The following PLEKHG5 variants were observed in gnomAD, a reference collection of about 807,000 sequenced individuals.
The protein encoded by PLEKHG5 is pleckstrin homology and RhoGEF domain containing G5, also known as pleckstrin homology domain-containing family G member 5.
Under a neutral mutation model 103.8 loss-of-function variants are expected in PLEKHG5, and 52 were observed. The observed-to-expected ratio is 0.50, with a 90% CI of 0.40 to 0.63. The LOEUF (loss-of-function observed/expected upper bound fraction) is 0.63, where lower values mean the gene tolerates loss of function less well. PLEKHG5 is among the 30% of genes least tolerant of loss of function. PLEKHG5 has a pLI of 0.00. For missense variants in PLEKHG5, 1,205 were observed against 1,347.6 expected (o/e 0.89, Z 1.66); for synonymous variants, 592 against 575.5 (o/e 1.03, Z -0.41).
chr1:6,478,881 T>C (rs536747206), intron 1 of PLEKHG5, among the ~76,000 whole-genome samples: 4 of 152,316 alleles, frequency 2.6e-5, no homozygotes, highest in African/African-American at 9.6e-5. Context: ...TGGTCTCAGG[T>C]GATCCGCCTG....
chr1:6,471,140 C>T (rs1374272811), intron 12 of PLEKHG5, 40 bp from the exon 13 acceptor site: 2 of 1,502,972 alleles, frequency 1.3e-6, no homozygotes, highest in Non-Finnish European at 1.8e-6. Context: ...GGTTACCGCG[C>T]GCTCCCTGCG....
chr1:6,475,796 C>T (rs908294838), intron 3 of PLEKHG5, 135 bp downstream of exon 3: 44 of 853,288 alleles, frequency 5.2e-5, no homozygotes, highest in Non-Finnish European at 6.9e-5. Context: ...GTCAGGACAG[C>T]CACAGGCGTG....
upstream of PLEKHG5, among the ~76,000 whole-genome samples, chr1:6,491,992 T>C (rs1645157132): frequency 6.6e-6 from 1 of 152,138 alleles, no homozygotes; most frequent in Non-Finnish European, 1.5e-5. The surrounding 1 kb of genome is among the most constrained non-coding windows in gnomAD (Gnocchi z 4.1). Flanking sequence ...CTCCCTTTCC[T>C]CCTGAGAGTT....
At chr1:6,507,013 C>G (rs1638343614) in intron 1 of PLEKHG5, among the ~76,000 whole-genome samples, 1 of 152,192 alleles carries the variant, frequency 6.6e-6, no homozygotes, top group African/African-American at 2.4e-5. Context: ...GGTGCAGACC[C>G]TTCACAGAAA....
chr1:6,508,210 C>T (rs776790171), intron 1 of PLEKHG5, among the ~76,000 whole-genome samples: 5 of 152,120 alleles, frequency 3.3e-5, no homozygotes, highest in African/African-American at 1.2e-4. Context: ...GCATCCATTT[C>T]GGGCTCGGAG....
At chr1:6,489,488 T>C (rs762006882) in intron 1 of PLEKHG5, among the ~76,000 whole-genome samples, 10 of 152,272 alleles carry the variant, frequency 6.6e-5, no homozygotes, top group Non-Finnish European at 1.2e-4. Flanking sequence ...CAGGGAGCGG[T>C]CCTGGCTAGT....
At position 6,475,461 on chromosome 1, in the gene PLEKHG5, C is replaced by T; in HGVS notation, c.210+1G>A. ...TCTGCCGGCTCTGGGGGGCTCCTCACATCCGTGTGTCTCCTCCTTGCTTTC... is the reference window on the plus strand; with the variant it reads ...TCTGCCGGCTCTGGGGGGCTCCTCATATCCGTGTGTCTCCTCCTTGCTTTC... On this transcript the variant is annotated splice_donor_variant, in intron 4 of 20. Coordinates refer to ENST00000377728, the MANE Select transcript of PLEKHG5 (RefSeq NM_020631.6). LOFTEE classifies it high-confidence loss of function. 6.2e-7 allele frequency: 1 copy of T among 1,613,242 alleles called. No individual in the cohort carries two copies. Among genetic ancestry groups the T allele is most frequent in the Non-Finnish European group, 8.5e-7 (1 of 1,179,614 alleles).
chr1:6,469,681 A>C lies in PLEKHG5; in HGVS notation c.1801-5T>G. On this transcript the variant is annotated splice_region_variant and splice_polypyrimidine_tract_variant and intron_variant, in intron 16 of 20. Transcript: ENST00000377728. Reference sequence around the variant, plus strand: ...GAGGAAGCAGTACACATCCATCTGCAGTGGCAGGAGGGGGGGTGGCCAGAG... The same window carrying C: ...GAGGAAGCAGTACACATCCATCTGCCGTGGCAGGAGGGGGGGTGGCCAGAG... 1 of 1,611,870 alleles carries C rather than the reference A, an allele frequency of 6.2e-7. No individual in the cohort carries two copies. The highest frequency in any genetic ancestry group is 8.5e-7 in the Non-Finnish European group (1 of 1,179,290).
upstream of PLEKHG5, chr1:6,497,069 C>T (rs1038716690): frequency 2.0e-6 from 3 of 1,490,788 alleles, no homozygotes; most frequent in Non-Finnish European, 1.8e-6. The surrounding 1 kb of genome is among the most constrained non-coding windows in gnomAD (Gnocchi z 6.1). Flanking sequence ...AGCTGCCTCT[C>T]TTCCTGGGGG....
chr1:6,500,271 A>G (rs1645280799), upstream of PLEKHG5, among the ~76,000 whole-genome samples: 2 of 152,096 alleles, frequency 1.3e-5, no homozygotes, highest in Admixed American at 1.3e-4. Context: ...ATGCCCCAAG[A>G]TTGTTGGGGA....
At chr1:6,475,250 T>G in intron 4 of PLEKHG5, 112 bp from the exon 5 acceptor site, 4 of 330,062 alleles carry the variant, frequency 1.2e-5, no homozygotes, top group Non-Finnish European at 2.3e-5. Flanking sequence ...CCCACCCTCC[T>G]TCCCACCCTC....
At chr1:6,506,172 G>A (rs906133565) in intron 1 of PLEKHG5, 1 of 152,640 alleles carries the variant, frequency 6.6e-6, no homozygotes, top group Non-Finnish European at 1.5e-5. Flanking sequence ...GAGGCCAGGG[G>A]AGGCCGCCCC....
chr1:6,472,158 T>C (rs1569863217), intron 10 of PLEKHG5, among the ~76,000 whole-genome samples: 1 of 152,248 alleles, frequency 6.6e-6, no homozygotes, highest in East Asian at 1.9e-4. Context: ...TCCAGGAAGC[T>C]CCAAGCCCAG....
chr1:6,504,998 G>A lies in PLEKHG5; in HGVS notation c.-164-8429C>T, dbSNP rs1336884847. Among the ~76,000 whole-genome samples, 4 of 151,966 alleles carry A rather than the reference G, an allele frequency of 2.6e-5. 1 individual carries two copies. The highest frequency in any genetic ancestry group is 9.7e-5 in the African/African-American group (4 of 41,372). On this transcript the variant is annotated intron_variant, in intron 1 of 21. Transcript: ENST00000377740. ...ACGGATGGGCTCAGGGAAGGACCAC[G>A]CCAGCCTGGGGAGACTCATCCAGGA...
chr1:6,490,663 G>A lies in PLEKHG5; in HGVS notation c.-88+974C>T, dbSNP rs974973576. ...CCGGGATGTACCAACGGCGCCGCCC[G>A]GCTGGGACCGGGGAGAGGAGGGGTC... On this transcript the variant is annotated intron_variant, in intron 1 of 20. Transcript: ENST00000377728. This position sits in a 1 kb window ranked among gnomAD's most constrained non-coding sequence, Gnocchi z 8.0. 1.9e-5 allele frequency: 18 copies of A among 944,618 alleles called. No homozygotes were observed. Among genetic ancestry groups the A allele is most frequent in the Non-Finnish European group, 5.0e-6 (4 of 793,034 alleles). 58.5% of individuals were successfully genotyped at this position (944,618 alleles called of 1,614,324 possible). A position where few individuals can be genotyped will look rare whatever the true frequency, so the allele number is the denominator to read the frequency against.
upstream of PLEKHG5, chr1:6,496,594 C>T (rs373906021): frequency 2.5e-5 from 38 of 1,515,084 alleles, no homozygotes; most frequent in Non-Finnish European, 3.3e-5. Context: ...CAGAGGGCAT[C>T]AGTCAGCGGG....
rs774588415 is a variant in PLEKHG5 at position 6,467,598 on chromosome 1, C to A, written c.3012-26G>T. ...CTACAGGGTGGGGAGGGGACAGAGT[C>A]CTTCTTTGGCTGACGCCATTCAGAG... On this transcript the variant is annotated intron_variant, in intron 20 of 20. Transcript: ENST00000377728. 7.4e-6 allele frequency: 12 copies of A among 1,611,976 alleles called. No individual in the cohort carries two copies. In the African/African-American group the frequency reaches 1.5e-4, roughly 20 times the overall value.
intron 1 of PLEKHG5, chr1:6,485,891 C>G (rs1645025175): frequency 3.0e-6 from 3 of 987,164 alleles, no homozygotes; most frequent in Non-Finnish European, 3.6e-6. Flanking sequence ...CTCCTCAACA[C>G]CAATGCCGGG....
upstream of PLEKHG5, among the ~76,000 whole-genome samples, chr1:6,500,870 G>A (rs1290377452): frequency 1.3e-5 from 2 of 152,160 alleles, no homozygotes; most frequent in African/African-American, 4.8e-5. Context: ...CCAGGCAGAG[G>A]AGCCTACTCG....
Sources: allele counts gnomAD v4.1 joint callset (sites outside exome capture counted in the v4.1 genomes callset), GRCh38; gene constraint gnomAD v4.1.1; non-coding constraint Gnocchi (gnomAD v3.1); transcripts MANE v1.5; gene names NCBI Gene and HGNC (gene_info 2026-07-23, HGNC 2026-07-21).